The following CDK14 variants were observed in gnomAD, a reference collection of about 807,000 sequenced individuals.
The protein encoded by CDK14 is cyclin dependent kinase 14.
Under a neutral mutation model 60.7 loss-of-function variants are expected in CDK14, and 34 were observed. The observed-to-expected ratio is 0.56, with a 90% CI of 0.43 to 0.75. The LOEUF (loss-of-function observed/expected upper bound fraction) is 0.75. Among genes scored for constraint, CDK14 ranks in the 30% least tolerant of loss-of-function variants. CDK14 has a pLI of 0.00. For missense variants in CDK14, 482 were observed against 564.1 expected (o/e 0.85, Z 1.47); for synonymous variants, 197 against 203.7 (o/e 0.97, Z 0.28).
intron 12 of CDK14, among the ~76,000 whole-genome samples, chr7:91,082,611 G>C (rs1237989135): frequency 6.6e-6 from 1 of 152,168 alleles, no homozygotes; most frequent in Non-Finnish European, 1.5e-5. Flanking sequence ...GAATGTACCA[G>C]CAGAGTCTCC....
chr7:90,899,521 A>G lies in CDK14; in HGVS notation c.702+168A>G, dbSNP rs1029760371. The stretch of plus-strand genomic sequence containing the variant: ...TGCTTCAGTTGAGTTGTTGGAAACC[A>G]TGTTTTAACATTAAATATTTTTACT... On this transcript the variant is annotated intron_variant, in intron 7 of 14. Transcript: ENST00000380050. 2.0e-5 allele frequency among the ~76,000 whole-genome samples: 3 copies of G among 152,114 alleles called. No individual in the cohort carries two copies. The East Asian group carries it at 5.8e-4, about 29-fold the overall frequency.
chr7:91,085,226 G>T (rs1798602905), intron 12 of CDK14, among the ~76,000 whole-genome samples: 1 of 152,278 alleles, frequency 6.6e-6, no homozygotes, highest in Middle Eastern at 3.4e-3. Flanking sequence ...CCAACTTGGG[G>T]TTTTATCTAG....
chr7:90,795,391 ATATT>A (rs1300439099), intron 5 of CDK14, among the ~76,000 whole-genome samples: 2 of 151,910 alleles, frequency 1.3e-5, no homozygotes, highest in Middle Eastern at 3.4e-3. Context: ...GTCTACTTAC[ATATT>A]TAAAGACTTT....
chr7:90,954,356 A>G (rs1794345664), intron 8 of CDK14, among the ~76,000 whole-genome samples: 1 of 152,192 alleles, frequency 6.6e-6, no homozygotes, highest in Admixed American at 6.5e-5. Context: ...CACTGTAAAA[A>G]TGTTTTAAGT....
intron 14 of CDK14, among the ~76,000 whole-genome samples, chr7:91,137,897 C>G (rs564409229): frequency 1.3e-5 from 2 of 152,128 alleles, no homozygotes; most frequent in Admixed American, 1.3e-4. Flanking sequence ...TCAATACTCT[C>G]CAGATAATTG....
chr7:90,969,220 A>G (rs1584181753), intron 9 of CDK14, among the ~76,000 whole-genome samples: 1 of 152,342 alleles, frequency 6.6e-6, no homozygotes, highest in East Asian at 1.9e-4. Flanking sequence ...ACTGTAAAAT[A>G]TCAATCATCC....
chr7:90,818,485 G>A (rs1391754041), intron 5 of CDK14, among the ~76,000 whole-genome samples: 1 of 152,180 alleles, frequency 6.6e-6, no homozygotes, highest in Non-Finnish European at 1.5e-5. Flanking sequence ...ATCACTGGCA[G>A]TTTAGTTACA....
At chr7:90,774,728 C>T (rs999045188) in intron 4 of CDK14, among the ~76,000 whole-genome samples, 2 of 152,142 alleles carry the variant, frequency 1.3e-5, no homozygotes, top group Admixed American at 6.5e-5. Flanking sequence ...AGAAAATACT[C>T]GCTTAAAATT....
At chr7:90,852,251 G>A (rs1028268266) in intron 5 of CDK14, among the ~76,000 whole-genome samples, 1 of 152,116 alleles carries the variant, frequency 6.6e-6, no homozygotes. Flanking sequence ...GTATCAAGGA[G>A]ATTTAGGATG....
At chr7:90,871,050 A>G (rs1791356599) in intron 6 of CDK14, among the ~76,000 whole-genome samples, 2 of 152,162 alleles carry the variant, frequency 1.3e-5, no homozygotes, top group Admixed American at 6.6e-5. Flanking sequence ...ATCATCATGG[A>G]GAAAAGTCTG....
At chr7:91,058,731 G>T (rs1276721282) in intron 11 of CDK14, among the ~76,000 whole-genome samples, 1 of 152,196 alleles carries the variant, frequency 6.6e-6, no homozygotes, top group Non-Finnish European at 1.5e-5. Context: ...TGTTGAACCA[G>T]CCTTGCATCC....
intron 12 of CDK14, among the ~76,000 whole-genome samples, chr7:91,088,869 T>G (rs1172884720): frequency 6.6e-6 from 1 of 152,050 alleles, no homozygotes; most frequent in Non-Finnish European, 1.5e-5. Context: ...AAATCAGCCA[T>G]CATCTTTGTG....
intron 14 of CDK14, among the ~76,000 whole-genome samples, chr7:91,139,702 T>TA (rs573851178): frequency 3.2e-4 from 48 of 152,336 alleles, no homozygotes; most frequent in African/African-American, 1.2e-3. Context: ...TCCAGGACCA[T>TA]AGCAAACATT....
At chr7:90,619,139 G>T (rs150199843) in intron 2 of CDK14, among the ~76,000 whole-genome samples, 1 of 152,108 alleles carries the variant, frequency 6.6e-6, no homozygotes, top group Admixed American at 6.5e-5. Flanking sequence ...AGTGTGATGC[G>T]TGGATCCCAG....
At chr7:90,899,664 G>C (rs923737884) in intron 7 of CDK14, among the ~76,000 whole-genome samples, 1 of 152,060 alleles carries the variant, frequency 6.6e-6, no homozygotes, top group Non-Finnish European at 1.5e-5. Context: ...GGGAGTCTCA[G>C]TTCTAGCTTG....
intron 3 of CDK14, among the ~76,000 whole-genome samples, chr7:90,743,772 CTGTTT>C (rs1255379008): frequency 1.3e-5 from 2 of 151,898 alleles, no homozygotes; most frequent in Admixed American, 6.6e-5. Flanking sequence ...TTTGTAAATT[CTGTTT>C]TGTCTGCTAT....
chr7:90,836,598 A>C (rs541359976), intron 5 of CDK14, among the ~76,000 whole-genome samples: 3 of 152,298 alleles, frequency 2.0e-5, no homozygotes, highest in Admixed American at 2.0e-4. Flanking sequence ...TTTTTTTTTA[A>C]CAAGTAAAAG....
At chr7:90,652,550 C>T (rs544404202) in intron 2 of CDK14, among the ~76,000 whole-genome samples, 2 of 152,264 alleles carry the variant, frequency 1.3e-5, no homozygotes, top group African/African-American at 4.8e-5. Context: ...CCTTGAAAGA[C>T]TTTGCTCTGT....
intron 2 of CDK14, among the ~76,000 whole-genome samples, chr7:90,666,924 G>T (rs1378399042): frequency 2.0e-5 from 3 of 152,206 alleles, no homozygotes; most frequent in African/African-American, 7.2e-5. Context: ...ACATGCAAAT[G>T]TAGAGAGAAG....
Sources: allele counts gnomAD v4.1 joint callset (sites outside exome capture counted in the v4.1 genomes callset), GRCh38; gene constraint gnomAD v4.1.1; transcripts MANE v1.5; gene names NCBI Gene and HGNC (gene_info 2026-07-23, HGNC 2026-07-21).